The following DMXL1 variants were observed in gnomAD, a reference collection of about 807,000 sequenced individuals.
DMXL1 encodes the protein Dmx like 1.
A neutral mutation model predicts 319.2 loss-of-function variants in DMXL1; 99 were observed. The observed-to-expected ratio is 0.31, with a 90% CI of 0.26 to 0.37. DMXL1 has a LOEUF of 0.37. Ranked by LOEUF, DMXL1 falls within the 10% of genes least tolerant of loss-of-function variation. DMXL1 has a pLI of 1.00. For missense variants in DMXL1, 3,745 were observed against 3,595.6 expected, an observed-to-expected ratio of 1.04 and a Z score of -1.06; for synonymous variants, 1,385 against 1,235.2, an observed-to-expected ratio of 1.12 and a Z score of -2.54.
rs1054011675 is a variant in DMXL1 at position 119,221,292 on chromosome 5, A to G, written c.8277+211A>G. Among the ~76,000 whole-genome samples the G allele has an allele frequency of 2.0e-5, 3 of 152,302 alleles. 1 individual carries two copies. In the South Asian group the frequency reaches 6.2e-4, roughly 32 times the overall value. On this transcript the variant is annotated intron_variant, in intron 37 of 43. Transcript: ENST00000539542. ...TTGTTTTAAAAATATACTTTGCTTG[A>G]AAACCAAAGAGCTATATTTTAATTA...
chr5:119,118,726 A>G, intron 7 of DMXL1, 89 bp from the exon 8 acceptor site: 1 of 966,994 alleles, frequency 1.0e-6, no homozygotes, highest in Non-Finnish European at 1.5e-6. Context: ...CTTAGTTGGT[A>G]CATTTAAGTA....
chr5:119,244,204 A>C (rs150671209), intron 42 of DMXL1, among the ~76,000 whole-genome samples, 155 bp from the exon 43 acceptor site: 1 of 152,150 alleles, frequency 6.6e-6, no homozygotes, highest in East Asian at 1.9e-4. Context: ...CCTTATATCC[A>C]GTGTCTGAAA....
chr5:119,239,592 T>C (rs1266530590), intron 41 of DMXL1, among the ~76,000 whole-genome samples: 1 of 152,232 alleles, frequency 6.6e-6, no homozygotes, highest in African/African-American at 2.4e-5. Flanking sequence ...TCATATATTA[T>C]TATTTGTAAA....
chr5:119,209,348 A>ATTT (rs34115254), intron 34 of DMXL1, among the ~76,000 whole-genome samples: 7 of 137,242 alleles, frequency 5.1e-5, no homozygotes, highest in South Asian at 2.3e-4. Flanking sequence ...ATCCCATTCT[A>ATTT]TTTTTTTTTT....
At chr5:119,098,244 C>CT (rs1195443391) in intron 2 of DMXL1, 140 bp downstream of exon 2, 1 of 842,958 alleles carries the variant, frequency 1.2e-6, no homozygotes, top group African/African-American at 1.8e-5. Flanking sequence ...TTTTGGCTGT[C>CT]TAAGATGCAT....
chr5:119,192,834 T>C (rs1216354275), intron 29 of DMXL1, among the ~76,000 whole-genome samples: 4 of 152,160 alleles, frequency 2.6e-5, no homozygotes, highest in African/African-American at 9.7e-5. Flanking sequence ...TATCGATTTT[T>C]CCCAAAACCT....
chr5:119,158,505 C>T (rs922020112), intron 19 of DMXL1, among the ~76,000 whole-genome samples: 2 of 152,132 alleles, frequency 1.3e-5, no homozygotes, highest in African/African-American at 4.8e-5. Flanking sequence ...GCAGGGACTT[C>T]TAGTACTATC....
intron 31 of DMXL1, 29 bp downstream of exon 31, chr5:119,196,485 G>A (rs1561850326): frequency 1.4e-6 from 2 of 1,447,572 alleles, no homozygotes; most frequent in Non-Finnish European, 9.7e-7. Flanking sequence ...TGAGCTAATG[G>A]TGCCATTGCT....
At chr5:119,179,941 AT>A (rs904096071) in intron 28 of DMXL1, among the ~76,000 whole-genome samples, 1 of 152,164 alleles carries the variant, frequency 6.6e-6, no homozygotes, top group Non-Finnish European at 1.5e-5. Context: ...CCAAATATAT[AT>A]TTTAGGTTTT....
intron 13 of DMXL1, among the ~76,000 whole-genome samples, chr5:119,135,902 G>A (rs1765883798): frequency 6.6e-6 from 1 of 152,154 alleles, no homozygotes; most frequent in South Asian, 2.1e-4. Flanking sequence ...CCAGGAGTGG[G>A]GCACTGCTAT....
intron 13 of DMXL1, among the ~76,000 whole-genome samples, chr5:119,139,628 A>G (rs966396180): frequency 5.9e-5 from 9 of 152,206 alleles, no homozygotes; most frequent in Non-Finnish European, 1.0e-4. Flanking sequence ...TCATAAAACA[A>G]CTTCTTAGAA....
At chr5:119,087,075 C>CT (rs1328700950) in intron 1 of DMXL1, among the ~76,000 whole-genome samples, 1 of 151,284 alleles carries the variant, frequency 6.6e-6, no homozygotes, top group African/African-American at 2.4e-5. Flanking sequence ...TGGGTCTTCT[C>CT]TTTTTTGCTT....
chr5:119,167,792 G>A lies in DMXL1; in HGVS notation c.5326G>A (p.Ala1776Thr). The A allele has an allele frequency of 1.2e-6, 2 of 1,613,414 alleles. No individual in the cohort carries two copies. Among genetic ancestry groups the A allele is most frequent in the Non-Finnish European group, 1.7e-6 (2 of 1,179,624 alleles). The change falls in exon 23 of 44, where the codon GCA becomes ACA. Residue 1776 changes from alanine to threonine, a missense_variant. By Grantham distance (58) the Ala-to-Thr change is moderately conservative (BLOSUM62 0). Coordinates refer to ENST00000539542, the MANE Select transcript of DMXL1 (RefSeq NM_001290321.3). The stretch of plus-strand genomic sequence containing the variant: ...TCATGATCCTTTTCTTCGGAGCATG[G>A]CATATTGGATTTTGGAAGATTATAG... ...MHHDPFLRSMAYWILEDYSGA... is the reference protein window; with the variant it reads ...MHHDPFLRSMTYWILEDYSGA...
In DMXL1 at chr5:119,150,154, TATG is replaced by T. The variant is rs761383371; in HGVS notation, c.4332_4334del (p.Asp1444del). ...ATCAAACCAATTATCTAAAGAAAGT[TATG>T]ATGAGCTTTTTCAGACTCAACTTCT... On this transcript the variant is annotated inframe_deletion, in exon 18 of 44. Coordinates refer to ENST00000539542, the MANE Select transcript of DMXL1 (RefSeq NM_001290321.3). The T allele has an allele frequency of 2.5e-6, 4 of 1,613,840 alleles. No homozygotes were observed. In the South Asian group the frequency reaches 3.3e-5, roughly 13 times the overall value.
chr5:119,192,223 C>T (rs1435634861), intron 29 of DMXL1, among the ~76,000 whole-genome samples: 2 of 152,194 alleles, frequency 1.3e-5, no homozygotes, highest in Non-Finnish European at 2.9e-5. Context: ...TACATTTGCT[C>T]CTGTCTTATT....
At chr5:119,188,165 CTA>C in intron 28 of DMXL1, among the ~76,000 whole-genome samples, 1 of 152,164 alleles carries the variant, frequency 6.6e-6, no homozygotes, top group East Asian at 1.9e-4. Flanking sequence ...AAAAAGAAAA[CTA>C]TTTTTATGAC....
intron 20 of DMXL1, 87 bp downstream of exon 20, chr5:119,164,763 C>T (rs1219132894): frequency 6.5e-6 from 8 of 1,223,706 alleles, no homozygotes; most frequent in Non-Finnish European, 9.0e-6. Flanking sequence ...TGCCATTACT[C>T]CCTCTTGTTT....
At chr5:119,113,493 A>G (rs932536139) in intron 5 of DMXL1, among the ~76,000 whole-genome samples, 1 of 152,160 alleles carries the variant, frequency 6.6e-6, no homozygotes, top group Non-Finnish European at 1.5e-5. Context: ...TGCCCACTTC[A>G]GGCTCCCAAG....
chr5:119,129,382 G>T lies in DMXL1; in HGVS notation c.1274G>T (p.Ser425Ile), dbSNP rs748190989. 2.5e-6 allele frequency: 4 copies of T among 1,613,166 alleles called. No homozygotes were observed. Among genetic ancestry groups the T allele is most frequent in the Non-Finnish European group, 3.4e-6 (4 of 1,179,754 alleles). ...KSFEQPSSEA[S>I]VEDSNQADVK... Reference sequence around the variant, plus strand: ...TTTGAACAACCATCTTCTGAGGCCAGTGTAGAAGATTCTAATCAGGCAGAT... The same window carrying T: ...TTTGAACAACCATCTTCTGAGGCCATTGTAGAAGATTCTAATCAGGCAGAT... Residue 425 changes from serine to isoleucine, a missense_variant, in exon 10 of 44, where the codon AGT (serine) becomes ATT (isoleucine). Physicochemically the swap from Ser to Ile is moderately radical, Grantham distance 142. This residue lies in a region of DMXL1 where 2,096 missense variants were observed against 1,985.4 expected (regional missense o/e 1.06). Transcript: ENST00000539542.
Sources: gnomAD v4.1 joint callset for allele counts (sites outside exome capture counted in the v4.1 genomes callset) on GRCh38, gnomAD v4.1.1 for gene constraint, gnomAD v4.1.1 regional missense constraint, MANE v1.5 for transcripts, NCBI Gene and HGNC (gene_info 2026-07-23, HGNC 2026-07-21) for gene names.